TBC1D9: variants seen among roughly 807,000 people sequenced by gnomAD.
TBC1D9 encodes the protein TBC1 domain family member 9A.
In TBC1D9, 63 loss-of-function variants were observed where a neutral mutation model predicts 132.0. That is an observed-to-expected ratio of 0.48 (90% CI 0.39 to 0.59). TBC1D9 has a LOEUF of 0.59. Among genes scored for constraint, TBC1D9 ranks in the 20% least tolerant of loss-of-function variants. The pLI is 0.00. For synonymous variants in TBC1D9, 610 were observed against 609.9 expected (o/e 1.00, Z 0.00); for missense variants, 1,261 against 1,592.7 (o/e 0.79, Z 3.54).
At chr4:140,712,449 A>AACATATATATATATAT (rs1738259074) in intron 1 of TBC1D9, among the ~76,000 whole-genome samples, 1 of 102,706 alleles carries the variant, frequency 9.7e-6, no homozygotes. Context: ...AAAAAAAAAG[A>AACATATATATATATAT]ATATATATAT....
chr4:140,666,269 T>G (rs1425599220), intron 9 of TBC1D9, among the ~76,000 whole-genome samples: 1 of 152,218 alleles, frequency 6.6e-6, no homozygotes, highest in Non-Finnish European at 1.5e-5. Context: ...AGTCTGGTGG[T>G]TGCCTGGGGC....
At chr4:140,638,164 C>T (rs1295913672) in intron 15 of TBC1D9, among the ~76,000 whole-genome samples, 1 of 152,160 alleles carries the variant, frequency 6.6e-6, no homozygotes, top group Non-Finnish European at 1.5e-5. Flanking sequence ...CCTGTACTAT[C>T]TTTGCAATTC....
intron 13 of TBC1D9, 41 bp from the exon 14 acceptor site, chr4:140,639,469 A>G (rs749018958): frequency 7.2e-7 from 1 of 1,391,666 alleles, no homozygotes; most frequent in Non-Finnish European, 1.0e-6. Flanking sequence ...AAAATCTCTT[A>G]CAGCACACAA....
At position 140,687,388 on chromosome 4, in the gene TBC1D9, ATATATAT is replaced by A. The variant is rs1364619185; in HGVS notation, c.242-933_242-927del. Among the ~76,000 whole-genome samples, 9 of 71,136 alleles carry A rather than the reference ATATATAT, an allele frequency of 1.3e-4. 1 individual carries two copies. The highest frequency in any genetic ancestry group is 9.8e-4 in the Admixed American group (8 of 8,180). The allele number at this position is 71,136 out of a possible 152,430, so 46.7% of individuals were successfully genotyped here. ...TATATATATATATATATATATATAT[ATATATAT>A]AAACATATAGTATGCACTGCTCATT... On this transcript the variant is annotated intron_variant, in intron 2 of 20. Transcript: ENST00000442267.
rs1472723358 is a variant in TBC1D9 at position 140,624,322 on chromosome 4, G to A, written c.2966C>T (p.Pro989Leu). The stretch of plus-strand genomic sequence containing the variant: ...GAAGAGAATATCCTTACCTTTGTCT[G>A]GCTTTAGGCTCACCGTAACAAAGCC... The part of the protein sequence containing the change: ...DDGFVTVSLK[P>L]DKGKRANSQE... Residue 989 changes from proline (P) to leucine (L), a missense_variant, in exon 19 of 21, where the codon CCA becomes CTA. Physicochemically the swap from Pro to Leu is moderately conservative, Grantham distance 98 (BLOSUM62 -3). Coordinates refer to ENST00000442267, the MANE Select transcript of TBC1D9 (RefSeq NM_015130.3). The A allele has an allele frequency of 6.2e-7, 1 of 1,613,740 alleles. No homozygotes were observed. The highest frequency in any genetic ancestry group is 2.2e-5 in the East Asian group (1 of 44,868).
Position 140,631,898 on chromosome 4 carries a change from A to G in TBC1D9, c.2746+2050T>C, listed in dbSNP as rs138893512. Reference sequence around the variant, plus strand: ...AGCCATGAGCCACGGGGCCTGGCCCATTCTTTAGTTTCTTTAAACACAGAC... The same window carrying G: ...AGCCATGAGCCACGGGGCCTGGCCCGTTCTTTAGTTTCTTTAAACACAGAC... On this transcript the variant is annotated intron_variant, in intron 16 of 20. Coordinates refer to ENST00000442267, the MANE Select transcript of TBC1D9 (RefSeq NM_015130.3). 6.6e-5 allele frequency among the ~76,000 whole-genome samples: 10 copies of G among 152,262 alleles called. No individual in the cohort carries two copies. In the East Asian group the frequency reaches 1.9e-3, roughly 29 times the overall value.
At chr4:140,753,248 G>C (rs1277606153) in intron 1 of TBC1D9, among the ~76,000 whole-genome samples, 3 of 151,730 alleles carry the variant, frequency 2.0e-5, no homozygotes, top group South Asian at 2.1e-4. Context: ...ACTCTTTCCA[G>C]CTAGATTCTT....
exon 1 of TBC1D9, among the ~76,000 whole-genome samples, chr4:140,756,376 GGAGGAGGAGGAA>G (rs892772926): frequency 1.3e-5 from 2 of 152,072 alleles, no homozygotes; most frequent in African/African-American, 4.8e-5. The surrounding 1 kb of genome is among the most constrained non-coding windows in gnomAD (Gnocchi z 5.6). Flanking sequence ...GGGAGGAGCG[GGAGGAGGAGGAA>G]GAGGAGGAGG....
intron 13 of TBC1D9, among the ~76,000 whole-genome samples, chr4:140,653,035 T>C (rs1737210802): frequency 6.6e-6 from 1 of 152,196 alleles, no homozygotes; most frequent in Admixed American, 6.5e-5. Context: ...ATTGGGACTT[T>C]GTCTTCTACT....
At chr4:140,651,560 G>A (rs1737187967) in intron 13 of TBC1D9, among the ~76,000 whole-genome samples, 1 of 152,148 alleles carries the variant, frequency 6.6e-6, no homozygotes, top group African/African-American at 2.4e-5. Flanking sequence ...TTTCTTTTGA[G>A]GTATAAACAA....
At chr4:140,643,207 C>A (rs1737037607) in intron 13 of TBC1D9, 2 of 1,394,762 alleles carry the variant, frequency 1.4e-6, no homozygotes. Context: ...GCCACCAGGG[C>A]CCGCTCCGCA....
chr4:140,726,881 A>G (rs1344155610), intron 1 of TBC1D9, among the ~76,000 whole-genome samples: 1 of 152,208 alleles, frequency 6.6e-6, no homozygotes, highest in Admixed American at 6.5e-5. Flanking sequence ...CTTTTGCCCA[A>G]ATGCATCTGT....
At chr4:140,662,579 G>A (rs1008104821) in intron 9 of TBC1D9, among the ~76,000 whole-genome samples, 5 of 152,188 alleles carry the variant, frequency 3.3e-5, no homozygotes, top group Admixed American at 2.0e-4. Flanking sequence ...GCCTGCTAAC[G>A]TGTTAGCTCT....
chr4:140,642,133 C>A, intron 13 of TBC1D9: 1 of 759,106 alleles, frequency 1.3e-6, no homozygotes, highest in South Asian at 1.4e-5. Flanking sequence ...CCGCCAGCTG[C>A]CTTGCTGTCC....
At position 140,706,736 on chromosome 4, in the gene TBC1D9, T is replaced by C. The variant is rs984748637; in HGVS notation, c.131-5122A>G. Among the ~76,000 whole-genome samples, 2 of 152,198 alleles carry C rather than the reference T, an allele frequency of 1.3e-5. No homozygotes were observed. Among genetic ancestry groups the C allele is most frequent in the African/African-American group, 4.8e-5 (2 of 41,438 alleles). On this transcript the variant is annotated intron_variant, in intron 1 of 20. Coordinates refer to ENST00000442267, the MANE Select transcript of TBC1D9 (RefSeq NM_015130.3). The surrounding 1 kb of genome is among the most constrained non-coding windows in gnomAD (Gnocchi z 4.0). ...TAAAAAATTTAAAACTGATGAGTAT[T>C]TTACAAATTTGTCTGCAAGGTACAC...
intron 13 of TBC1D9, among the ~76,000 whole-genome samples, chr4:140,648,526 C>T (rs746445292): frequency 6.6e-6 from 1 of 151,846 alleles, no homozygotes; most frequent in Non-Finnish European, 1.5e-5. Context: ...GCTGGGACTA[C>T]AGGCATGTGC....
At chr4:140,680,488 A>G (rs1390342158) in intron 3 of TBC1D9, among the ~76,000 whole-genome samples, 2 of 152,172 alleles carry the variant, frequency 1.3e-5, no homozygotes, top group Non-Finnish European at 2.9e-5. Context: ...TTGAGAAGCC[A>G]TTTCACTGTT....
chr4:140,624,846 G>T (rs1250358911), intron 18 of TBC1D9, among the ~76,000 whole-genome samples: 2 of 152,182 alleles, frequency 1.3e-5, no homozygotes, highest in African/African-American at 4.8e-5. Context: ...GAGGTCAGGG[G>T]TTCAAGACCA....
At chr4:140,712,169 G>C (rs948101733) in intron 1 of TBC1D9, 3 of 148,280 alleles carry the variant, frequency 2.0e-5, no homozygotes, top group Non-Finnish European at 4.4e-5. Context: ...TAAATGAGAG[G>C]CTCCCTCAAA....
Sources: gnomAD v4.1 joint callset for allele counts (sites outside exome capture counted in the v4.1 genomes callset) on GRCh38, gnomAD v4.1.1 for gene constraint, Gnocchi (gnomAD v3.1) non-coding constraint, MANE v1.5 for transcripts, NCBI Gene and HGNC (gene_info 2026-07-23, HGNC 2026-07-21) for gene names.